DENND5B: variants seen among roughly 807,000 people sequenced by gnomAD.
DENND5B encodes the protein DENN domain-containing protein 5B.
Under a neutral mutation model 140.6 loss-of-function variants are expected in DENND5B, and 34 were observed. That is an observed-to-expected ratio of 0.24 (90% CI 0.18 to 0.32). DENND5B has a LOEUF of 0.32. Ranked by LOEUF, DENND5B falls within the 10% of genes least tolerant of loss-of-function variation. DENND5B has a pLI of 1.00. For synonymous variants in DENND5B, 551 were observed against 562.1 expected, an observed-to-expected ratio of 0.98 and a Z score of 0.28; for missense variants, 1,142 against 1,560.2, an observed-to-expected ratio of 0.73 and a Z score of 4.52.
intron 1 of DENND5B, among the ~76,000 whole-genome samples, chr12:31,504,132 G>A (rs762301105): frequency 2.0e-5 from 3 of 152,126 alleles, no homozygotes; most frequent in Non-Finnish European, 2.9e-5. Flanking sequence ...GCGCTATAAC[G>A]TAAATCACCA....
chr12:31,492,311 T>G (rs1565633208), intron 2 of DENND5B, among the ~76,000 whole-genome samples: 1 of 152,232 alleles, frequency 6.6e-6, no homozygotes, highest in Non-Finnish European at 1.5e-5. Flanking sequence ...GCAAAAGCTA[T>G]CATGGATATC....
Position 31,398,226 on chromosome 12 carries a change from G to C in DENND5B, c.3205C>G (p.Pro1069Ala). The stretch of plus-strand genomic sequence containing the variant: ...ATGCTCAATCTCCTAGCCGTGGTGG[G>C]TGACTTCTGCTGGGGTGGAGTCCGA... Reference protein sequence around the residue: ...QCRTPPQQKSPTTARRLSITS... With the variant: ...QCRTPPQQKSATTARRLSITS... The change falls in exon 17 of 21, where the codon CCC (proline) becomes GCC (alanine). Residue 1069 changes from proline (P) to alanine (A), a missense_variant. Pro to Ala is a conservative substitution (Grantham distance 27, BLOSUM62 -1). Around this residue, in one of 5 missense-constraint regions of DENND5B, gnomAD observed 268 missense variants for 349.2 expected, o/e 0.77. Coordinates refer to ENST00000389082, the MANE Select transcript of DENND5B (RefSeq NM_144973.4). 2 of 1,605,188 alleles carry C rather than the reference G, an allele frequency of 1.2e-6. No homozygotes were observed. Among genetic ancestry groups the C allele is most frequent in the Non-Finnish European group, 1.7e-6 (2 of 1,176,054 alleles).
chr12:31,494,550 C>T (rs1946686469), intron 2 of DENND5B, among the ~76,000 whole-genome samples: 2 of 152,146 alleles, frequency 1.3e-5, no homozygotes, highest in South Asian at 4.2e-4. Context: ...TTTGTACCTT[C>T]CCCCTACCCT....
At chr12:31,524,782 A>G (rs943548753) in intron 1 of DENND5B, among the ~76,000 whole-genome samples, 2 of 152,174 alleles carry the variant, frequency 1.3e-5, no homozygotes, top group African/African-American at 4.8e-5. Context: ...GACTTGACAC[A>G]TCAGCTTAGA....
At chr12:31,418,802 G>T (rs1942889311) in intron 11 of DENND5B, among the ~76,000 whole-genome samples, 1 of 151,592 alleles carries the variant, frequency 6.6e-6, no homozygotes, top group South Asian at 2.1e-4. Flanking sequence ...GAACAAGTGA[G>T]AAACTTCATT....
At chr12:31,463,444 A>G (rs1470938070) in intron 3 of DENND5B, among the ~76,000 whole-genome samples, 2 of 152,204 alleles carry the variant, frequency 1.3e-5, no homozygotes, top group Non-Finnish European at 2.9e-5. Context: ...TTGTAACCTC[A>G]GTATCTACCA....
At chr12:31,433,345 CAATT>C (rs558012339) in intron 7 of DENND5B, 97 bp from the exon 8 acceptor site, 2 of 1,043,614 alleles carry the variant, frequency 1.9e-6, no homozygotes, top group South Asian at 3.6e-5. Flanking sequence ...ATTTTAAAAT[CAATT>C]ATTTAAAAAA....
At chr12:31,413,389 T>C (rs1020769080) in intron 13 of DENND5B, 47 bp downstream of exon 13, 1 of 1,583,008 alleles carries the variant, frequency 6.3e-7, no homozygotes, top group Non-Finnish European at 8.6e-7. Context: ...TTGTTTTGTA[T>C]GCACATGGAT....
chr12:31,585,477 C>A (rs1169414626), intron 1 of DENND5B, among the ~76,000 whole-genome samples: 1 of 152,192 alleles, frequency 6.6e-6, no homozygotes, highest in Non-Finnish European at 1.5e-5. Flanking sequence ...GACATTCAGT[C>A]TGGAATAAGG....
In DENND5B at chr12:31,386,486, G is replaced by C. The variant is rs938913642; in HGVS notation, c.*1117C>G. 1 of 152,160 alleles carries C rather than the reference G, an allele frequency of 6.6e-6. No homozygotes were observed. Among genetic ancestry groups the C allele is most frequent in the Non-Finnish European group, 1.5e-5 (1 of 68,054 alleles). The allele number at this position is 152,160 out of a possible 1,614,324, so 9.4% of individuals were successfully genotyped here. A position where few individuals can be genotyped will look rare whatever the true frequency, so the allele number is the denominator to read the frequency against. On this transcript the variant is annotated 3_prime_UTR_variant, in exon 21 of 21. Transcript: ENST00000389082. ...CATTATTACTCCCCTTCCTACAAAG[G>C]AACGTAAAGCTTGCCCTGAAACACC...
At chr12:31,424,749 A>G (rs1943161884) in intron 9 of DENND5B, 62 bp from the exon 10 acceptor site, 1 of 1,573,170 alleles carries the variant, frequency 6.4e-7, no homozygotes, top group Non-Finnish European at 8.6e-7. Flanking sequence ...CAACAAGTCA[A>G]TTACTAAAGT....
rs762346220 is a variant in DENND5B, at chr12:31,470,111, C to CTTT, written c.904+9475_904+9477dup. ...TACAGGCATACACTACCATGTCTGG[C>CTTT]TTTTTTTTTTTTTTTTTCTTTGGAG... On this transcript the variant is annotated intron_variant, in intron 3 of 20. Coordinates refer to ENST00000389082, the MANE Select transcript of DENND5B (RefSeq NM_144973.4). 6.4e-4 allele frequency among the ~76,000 whole-genome samples: 68 copies of CTTT among 105,874 alleles called. 4 individuals are homozygous for CTTT. The highest frequency in any genetic ancestry group is 1.3e-3 in the African/African-American group (34 of 26,286). 69.5% of individuals were successfully genotyped at this position (105,874 alleles called of 152,430 possible).
At chr12:31,420,896 C>G (rs930619761) in intron 11 of DENND5B, among the ~76,000 whole-genome samples, 1 of 152,176 alleles carries the variant, frequency 6.6e-6, no homozygotes, top group African/African-American at 2.4e-5. Flanking sequence ...ACTGCCTACC[C>G]ACTATGGTCC....
intron 8 of DENND5B, 118 bp from the exon 9 acceptor site, chr12:31,426,542 G>C: frequency 8.8e-7 from 1 of 1,137,582 alleles, no homozygotes; most frequent in Admixed American, 2.9e-5. Flanking sequence ...AAGTGTATGT[G>C]CATATAACAA....
intron 3 of DENND5B, among the ~76,000 whole-genome samples, chr12:31,462,323 T>C (rs904944311): frequency 1.5e-5 from 2 of 130,334 alleles, no homozygotes; most frequent in Non-Finnish European, 3.1e-5. Context: ...GTTTGAACTG[T>C]AGGCAATATG....
intron 2 of DENND5B, among the ~76,000 whole-genome samples, chr12:31,484,619 G>A (rs1372559394): frequency 1.3e-5 from 2 of 152,048 alleles, no homozygotes; most frequent in Admixed American, 6.6e-5. Context: ...TGGGCAACAT[G>A]GTGAAATCCT....
intron 1 of DENND5B, among the ~76,000 whole-genome samples, chr12:31,531,372 G>A (rs963799261): frequency 2.6e-5 from 4 of 152,012 alleles, no homozygotes; most frequent in Admixed American, 6.5e-5. Context: ...GCTAAGTTTC[G>A]TACTTTCAGT....
chr12:31,591,104 A>G lies in DENND5B; in HGVS notation c.-272T>C. 6.4e-6 allele frequency: 1 copy of G among 155,074 alleles called. No individual in the cohort carries two copies. The highest frequency in any genetic ancestry group is 1.4e-5 in the Non-Finnish European group (1 of 72,664). The allele number at this position is 155,074 out of a possible 1,614,324, so 9.6% of individuals were successfully genotyped here. A position where few individuals can be genotyped will look rare whatever the true frequency, so the allele number is the denominator to read the frequency against. ...CGGCCTGAGAGGCCCTCGCAGCCGC[A>G]GCTGCGCTCGCGAGCTGAGAGCCGC... is the stretch of plus-strand genomic sequence containing the variant. On this transcript the variant is annotated 5_prime_UTR_variant, in exon 1 of 21. Transcript: ENST00000389082.
intron 1 of DENND5B, among the ~76,000 whole-genome samples, chr12:31,549,508 T>C (rs1948967378): frequency 2.0e-5 from 3 of 152,170 alleles, no homozygotes; most frequent in South Asian, 4.1e-4. Context: ...TAAAAGGCCA[T>C]TCTTTTTTTT....
Sources: gnomAD v4.1 joint callset for allele counts (sites outside exome capture counted in the v4.1 genomes callset) on GRCh38, gnomAD v4.1.1 for gene constraint, gnomAD v4.1.1 regional missense constraint, MANE v1.5 for transcripts, NCBI Gene and HGNC (gene_info 2026-07-23, HGNC 2026-07-21) for gene names.